The following COMMD10 variants were observed in gnomAD, a reference collection of about 807,000 sequenced individuals.
COMMD10 encodes COMM domain containing 10.
A neutral mutation model predicts 28.9 loss-of-function variants in COMMD10; 33 were observed. The ratio of observed to expected loss-of-function variants is 1.14; its 90% confidence interval spans 0.87 to 1.53. COMMD10 has a LOEUF of 1.53. COMMD10 is among the 40% of genes most tolerant of loss of function. The pLI is 0.00. For synonymous variants in COMMD10, 110 were observed against 81.7 expected (o/e 1.35, Z -1.87); for missense variants, 310 against 233.4 (o/e 1.33, Z -2.14).
At chr5:116,241,440 TA>T (rs1404886383) in intron 5 of COMMD10, among the ~76,000 whole-genome samples, 3 of 152,010 alleles carry the variant, frequency 2.0e-5, no homozygotes, top group Non-Finnish European at 4.4e-5. Flanking sequence ...TGTACCAAAG[TA>T]AAAAACTTCA....
chr5:116,276,517 T>A (rs1353068149), intron 5 of COMMD10, among the ~76,000 whole-genome samples: 1 of 151,868 alleles, frequency 6.6e-6, no homozygotes, highest in Non-Finnish European at 1.5e-5. Flanking sequence ...ATTACAGGCA[T>A]GAGCCACCAT....
chr5:116,091,610 C>T (rs1750299977), intron 3 of COMMD10, among the ~76,000 whole-genome samples: 2 of 152,126 alleles, frequency 1.3e-5, no homozygotes, highest in South Asian at 2.1e-4. Flanking sequence ...ATTCAAGGCT[C>T]ATCTCCTTTA....
intron 4 of COMMD10, among the ~76,000 whole-genome samples, chr5:116,093,462 C>G (rs1202877720): frequency 6.6e-6 from 1 of 152,138 alleles, no homozygotes; most frequent in Non-Finnish European, 1.5e-5. Flanking sequence ...CCCTAGCTGT[C>G]CACATTCTTG....
intron 5 of COMMD10, among the ~76,000 whole-genome samples, chr5:116,149,850 C>T (rs1752460419): frequency 6.7e-6 from 1 of 149,374 alleles, no homozygotes; most frequent in South Asian, 2.2e-4. Context: ...TGCAGAAGCT[C>T]TTTAGTTTAA....
chr5:116,237,053 G>T (rs868733526), intron 5 of COMMD10, among the ~76,000 whole-genome samples: 1 of 152,108 alleles, frequency 6.6e-6, no homozygotes, highest in Non-Finnish European at 1.5e-5. Flanking sequence ...ATCAAGGTAG[G>T]CCTCATTGAG....
chr5:116,110,118 A>G (rs149238679), intron 4 of COMMD10, among the ~76,000 whole-genome samples: 12 of 152,216 alleles, frequency 7.9e-5, no homozygotes, highest in Admixed American at 3.9e-4. Context: ...TTCTCAGTCT[A>G]TTGGTTTGAT....
At chr5:116,219,346 C>T (rs1749186308) in intron 5 of COMMD10, among the ~76,000 whole-genome samples, 1 of 152,136 alleles carries the variant, frequency 6.6e-6, no homozygotes, top group Non-Finnish European at 1.5e-5. Flanking sequence ...GGCGGAATAA[C>T]AGCTCCTCAC....
intron 5 of COMMD10, among the ~76,000 whole-genome samples, chr5:116,152,143 C>T (rs988547131): frequency 5.3e-5 from 8 of 152,250 alleles, no homozygotes; most frequent in African/African-American, 1.7e-4. Flanking sequence ...GCAAGTTGTT[C>T]AGTTTCCATG....
At chr5:116,201,552 G>A (rs982422905) in intron 5 of COMMD10, among the ~76,000 whole-genome samples, 2 of 152,092 alleles carry the variant, frequency 1.3e-5, no homozygotes, top group Non-Finnish European at 2.9e-5. Context: ...AATCTGGGGG[G>A]CAATGGTTTA....
At chr5:116,212,619 ATG>A (rs1235650114) in intron 5 of COMMD10, among the ~76,000 whole-genome samples, 1 of 151,814 alleles carries the variant, frequency 6.6e-6, no homozygotes, top group Non-Finnish European at 1.5e-5. Context: ...TAAAATAAGC[ATG>A]TAAGCTGTAT....
intron 5 of COMMD10, among the ~76,000 whole-genome samples, chr5:116,205,128 A>G (rs968148403): frequency 1.3e-5 from 2 of 152,278 alleles, no homozygotes; most frequent in South Asian, 2.1e-4. Context: ...GTCCAAATCC[A>G]CCTTAACTCT....
At chr5:116,189,851 AGTT>A (rs1268822470) in intron 5 of COMMD10, among the ~76,000 whole-genome samples, 3 of 152,292 alleles carry the variant, frequency 2.0e-5, no homozygotes, top group South Asian at 2.1e-4. Context: ...GCATATTTTC[AGTT>A]GTTGCTGTTT....
chr5:116,286,501 A>G (rs893187273), intron 5 of COMMD10, among the ~76,000 whole-genome samples: 1 of 151,442 alleles, frequency 6.6e-6, no homozygotes, highest in Non-Finnish European at 1.5e-5. Context: ...CTTAACAGCT[A>G]TAAACTTAAC....
In COMMD10 at chr5:116,291,579, C is replaced by T. The variant is rs376905814; in HGVS notation, c.570+3C>T. On this transcript the variant is annotated splice_donor_region_variant and intron_variant, in intron 6 of 6. Coordinates refer to ENST00000274458, the MANE Select transcript of COMMD10 (RefSeq NM_016144.4). ...AGTTGTTTGATTTCTATAACAAGGT[C>T]TGTATTTTTAAAATAATTTTCTAAT... is the stretch of plus-strand genomic sequence containing the variant. The T allele has an allele frequency of 7.9e-6, 12 of 1,519,178 alleles. No individual in the cohort carries two copies. In the African/African-American group the frequency reaches 1.2e-4, roughly 16 times the overall value. 94.1% of individuals were successfully genotyped at this position (1,519,178 alleles called of 1,614,324 possible). A position where few individuals can be genotyped will look rare whatever the true frequency, so the allele number is the denominator to read the frequency against.
chr5:116,209,123 T>A (rs1184067039), intron 5 of COMMD10, among the ~76,000 whole-genome samples: 1 of 152,166 alleles, frequency 6.6e-6, no homozygotes, highest in African/African-American at 2.4e-5. Flanking sequence ...AGATCAACTT[T>A]TTTTTTCTTT....
intron 3 of COMMD10, 114 bp downstream of exon 3, chr5:116,091,303 T>C (rs1353980996): frequency 1.2e-5 from 6 of 496,844 alleles, no homozygotes. Context: ...AGATGGAAGC[T>C]GTGAATGTAT....
intron 5 of COMMD10, among the ~76,000 whole-genome samples, chr5:116,192,271 C>G (rs935213697): frequency 2.0e-5 from 3 of 147,994 alleles, no homozygotes; most frequent in South Asian, 2.2e-4. Flanking sequence ...AACCCCCCCC[C>G]CCAAAAATAA....
At chr5:116,292,385 A>G (rs2112719557) in intron 6 of COMMD10, 66 bp from the exon 7 acceptor site, 1 of 1,104,722 alleles carries the variant, frequency 9.1e-7, no homozygotes, top group Non-Finnish European at 1.3e-6. Flanking sequence ...ATGTGTCTGA[A>G]TAACACTTGA....
intron 4 of COMMD10, among the ~76,000 whole-genome samples, chr5:116,123,373 A>C (rs974006556): frequency 3.3e-5 from 5 of 152,154 alleles, no homozygotes; most frequent in African/African-American, 1.2e-4. Flanking sequence ...GATTACGTTT[A>C]TTGATTGGCG....
Sources: gnomAD v4.1 joint callset for allele counts (sites outside exome capture counted in the v4.1 genomes callset) on GRCh38, gnomAD v4.1.1 for gene constraint, MANE v1.5 for transcripts, NCBI Gene and HGNC (gene_info 2026-07-23, HGNC 2026-07-21) for gene names.